The following DISC1 variants were observed in gnomAD, a reference collection of about 807,000 sequenced individuals.
The protein encoded by DISC1 is DISC1 scaffold protein.
A neutral mutation model predicts 84.5 loss-of-function variants in DISC1; 57 were observed. The observed-to-expected ratio is 0.67, with a 90% CI of 0.55 to 0.84. DISC1 has a LOEUF of 0.84. Ranked by LOEUF, DISC1 falls within the 40% of genes least tolerant of loss-of-function variation. DISC1 has a pLI of 0.00. For synonymous variants in DISC1, 411 were observed against 415.2 expected (o/e 0.99, Z 0.12); for missense variants, 1,000 against 1,057.8 (o/e 0.95, Z 0.76).
chr1:232,002,559 A>G (rs1666824812), intron 10 of DISC1, among the ~76,000 whole-genome samples: 1 of 151,880 alleles, frequency 6.6e-6, no homozygotes, highest in Non-Finnish European at 1.5e-5. Flanking sequence ...AAAGGAATAA[A>G]CAATTGATAC....
chr1:231,979,475 T>A (rs942222627), intron 10 of DISC1, among the ~76,000 whole-genome samples: 5 of 151,804 alleles, frequency 3.3e-5, no homozygotes, highest in African/African-American at 1.2e-4. Flanking sequence ...ATCACCGGTT[T>A]ATACTGTTAT....
intron 3 of DISC1, among the ~76,000 whole-genome samples, chr1:231,727,149 TG>T (rs761952198): frequency 4.5e-4 from 68 of 152,178 alleles, no homozygotes; most frequent in Non-Finnish European, 7.9e-4. Flanking sequence ...TGATTATCCG[TG>T]GAATACTCAG....
At chr1:231,662,051 T>C (rs2061604328) in intron 1 of DISC1, among the ~76,000 whole-genome samples, 1 of 152,126 alleles carries the variant, frequency 6.6e-6, no homozygotes, top group Non-Finnish European at 1.5e-5. Flanking sequence ...GTTGCCTTGG[T>C]TTTTCCTGTA....
At chr1:231,914,549 T>A (rs532132293) in intron 9 of DISC1, among the ~76,000 whole-genome samples, 43 of 152,264 alleles carry the variant, frequency 2.8e-4, no homozygotes, top group African/African-American at 1.0e-3. Context: ...CCAACTTTTA[T>A]CCTTTGCCTT....
At chr1:231,841,490 A>G (rs2083064433) in intron 9 of DISC1, among the ~76,000 whole-genome samples, 1 of 152,306 alleles carries the variant, frequency 6.6e-6, no homozygotes. Context: ...TATCCAGCTC[A>G]TTGGTCAGTG....
Position 231,646,629 on chromosome 1 carries a change from C to T in DISC1, c.67+19695C>T, listed in dbSNP as rs942914946. Among the ~76,000 whole-genome samples, 40 of 152,230 alleles carry T rather than the reference C, an allele frequency of 2.6e-4. 1 individual carries two copies. The highest frequency in any genetic ancestry group is 2.2e-3 in the Admixed American group (34 of 15,282). ...TTCTAGTTCTAGATCCTTGATGAAT[C>T]GCCGCACTGTCTTCCACAATGGTTG... On this transcript the variant is annotated intron_variant, in intron 1 of 12. Coordinates refer to ENST00000439617, the MANE Select transcript of DISC1 (RefSeq NM_018662.3).
Position 231,800,173 on chromosome 1 carries a change from A to C in DISC1, c.1755A>C (p.Leu585=). Residue 585 remains leucine, a synonymous_variant, in exon 8 of 13, where the codon CTA becomes CTC. Coordinates refer to ENST00000439617, the MANE Select transcript of DISC1 (RefSeq NM_018662.3). ...RKKVNDIETQ[L]PALLEAKMHA... is the part of the protein sequence containing the mutation. ...AAGTTAACGATATTGAAACCCAACT[A>C]CCAGCCTTGCTTGAAGCCAAAATGC... 1.2e-6 allele frequency: 2 copies of C among 1,612,048 alleles called. No individual in the cohort carries two copies. The highest frequency in any genetic ancestry group is 1.7e-6 in the Non-Finnish European group (2 of 1,179,724).
At chr1:231,907,711 A>T (rs973425948) in intron 9 of DISC1, among the ~76,000 whole-genome samples, 2 of 152,172 alleles carry the variant, frequency 1.3e-5, no homozygotes, top group African/African-American at 4.8e-5. Flanking sequence ...GGCTGGGTCA[A>T]ATGGTATTTC....
rs763163271 is a variant in DISC1 at position 231,694,660 on chromosome 1, C to T, written c.902C>T (p.Ser301Phe). 2.5e-6 allele frequency: 4 copies of T among 1,614,136 alleles called. No homozygotes were observed. Among genetic ancestry groups the T allele is most frequent in the Non-Finnish European group, 3.4e-6 (4 of 1,180,056 alleles). The change falls in exon 2 of 13, where the codon TCC becomes TTC. Residue 301 changes from serine to phenylalanine, a missense_variant. Transcript: ENST00000439617. ...MHSLPDMDPG[S>F]SSSLDPSLAG... ...TCTTTACCAGACATGGACCCTGGCTCCTCCAGTTCTCTGGATCCCTCACTG... is the reference window on the plus strand; with the variant it reads ...TCTTTACCAGACATGGACCCTGGCTTCTCCAGTTCTCTGGATCCCTCACTG...
intron 8 of DISC1, chr1:231,814,888 C>G (rs938037118): frequency 6.6e-6 from 1 of 151,034 alleles, no homozygotes; most frequent in Non-Finnish European, 1.5e-5. Context: ...CACTTCCTGG[C>G]TGATGGTGAT....
At chr1:231,929,436 C>T (rs1432468754) in intron 9 of DISC1, among the ~76,000 whole-genome samples, 5 of 152,222 alleles carry the variant, frequency 3.3e-5, no homozygotes, top group Admixed American at 2.0e-4. Context: ...AACCCTGAGA[C>T]GCCGAAAACG....
intron 9 of DISC1, among the ~76,000 whole-genome samples, chr1:231,840,904 C>T (rs1425184592): frequency 2.0e-5 from 3 of 151,968 alleles, no homozygotes; most frequent in Admixed American, 6.6e-5. Flanking sequence ...AATTTTACTG[C>T]GTGTAAATTT....
chr1:231,936,714 G>C (rs916287769), intron 9 of DISC1, among the ~76,000 whole-genome samples: 5 of 152,162 alleles, frequency 3.3e-5, no homozygotes, highest in Non-Finnish European at 7.3e-5. Context: ...TTACCTTTGT[G>C]TCTCTTGTCT....
intron 3 of DISC1, among the ~76,000 whole-genome samples, chr1:231,738,363 T>C (rs139965856): frequency 1.3e-5 from 2 of 152,358 alleles, no homozygotes; most frequent in East Asian, 3.9e-4. Context: ...CTCTTAAGTT[T>C]CCTCCTGCTT....
chr1:231,767,033 A>C, intron 4 of DISC1, 107 bp from the exon 5 acceptor site: 1 of 1,459,594 alleles, frequency 6.9e-7, no homozygotes, highest in South Asian at 1.2e-5. Flanking sequence ...CCTAAGTATG[A>C]GAACAGATGG....
At chr1:231,974,510 T>C (rs1408187389) in intron 10 of DISC1, among the ~76,000 whole-genome samples, 1 of 152,204 alleles carries the variant, frequency 6.6e-6, no homozygotes, top group Non-Finnish European at 1.5e-5. Flanking sequence ...AGCAGATCTT[T>C]TCACATAGAT....
At chr1:231,737,110 G>A (rs953813216) in intron 3 of DISC1, among the ~76,000 whole-genome samples, 1 of 152,192 alleles carries the variant, frequency 6.6e-6, no homozygotes, top group East Asian at 1.9e-4. Flanking sequence ...CAAATATGTT[G>A]CAGTAGCATA....
chr1:231,884,106 CG>C (rs2125988209), intron 9 of DISC1, among the ~76,000 whole-genome samples: 1 of 152,142 alleles, frequency 6.6e-6, no homozygotes, highest in South Asian at 2.1e-4. Context: ...ATTCCACACT[CG>C]GGACCCGGCC....
chr1:231,969,706 C>G (rs550846628), intron 10 of DISC1, among the ~76,000 whole-genome samples: 1 of 151,262 alleles, frequency 6.6e-6, no homozygotes, highest in South Asian at 2.1e-4. Flanking sequence ...CCCATTAACT[C>G]GTCATTTACA....
Sources: gnomAD v4.1 joint callset for allele counts (sites outside exome capture counted in the v4.1 genomes callset) on GRCh38, gnomAD v4.1.1 for gene constraint, MANE v1.5 for transcripts, NCBI Gene and HGNC (gene_info 2026-07-23, HGNC 2026-07-21) for gene names.